The following TMEM232 variants were observed in gnomAD, a reference collection of about 807,000 sequenced individuals.
TMEM232 encodes the protein transmembrane protein 232.
TMEM232 carries 80 observed loss-of-function variants against 78.8 expected under a neutral mutation model. That is an observed-to-expected ratio of 1.01 (90% CI 0.85 to 1.22). TMEM232 has a LOEUF of 1.22. TMEM232 is among the 50% of genes most tolerant of loss of function. TMEM232 has a pLI of 0.00. For synonymous variants in TMEM232, 297 were observed against 254.3 expected (o/e 1.17, Z -1.60); for missense variants, 881 against 742.2 (o/e 1.19, Z -2.17).
intron 10 of TMEM232, among the ~76,000 whole-genome samples, chr5:110,576,597 A>T (rs983782435): frequency 2.6e-5 from 4 of 152,120 alleles, no homozygotes; most frequent in African/African-American, 9.7e-5. Context: ...AGCAAAAAGA[A>T]CAAAGCTGGA....
chr5:110,579,011 C>T (rs1777871947), intron 10 of TMEM232, among the ~76,000 whole-genome samples: 1 of 151,622 alleles, frequency 6.6e-6, no homozygotes. Context: ...CCCAAAAGAT[C>T]TCAAATAAAA....
intron 12 of TMEM232, among the ~76,000 whole-genome samples, chr5:110,487,139 C>T (rs1173321221): frequency 6.6e-6 from 1 of 152,052 alleles, no homozygotes; most frequent in Non-Finnish European, 1.5e-5. Context: ...AGAAGAGCTA[C>T]TGATTTGTGT....
At chr5:110,444,534 G>A (rs1174959752) in intron 12 of TMEM232, among the ~76,000 whole-genome samples, 2 of 152,118 alleles carry the variant, frequency 1.3e-5, no homozygotes, top group Non-Finnish European at 2.9e-5. Flanking sequence ...AAGTACTATG[G>A]TTCTTGTGAT....
chr5:110,527,917 A>G (rs749297448), intron 12 of TMEM232, among the ~76,000 whole-genome samples: 7 of 151,374 alleles, frequency 4.6e-5, no homozygotes, highest in Non-Finnish European at 8.9e-5. Context: ...GAGATCTACA[A>G]TGTAAAATAG....
intron 12 of TMEM232, among the ~76,000 whole-genome samples, chr5:110,490,157 G>C (rs1201107751): frequency 2.1e-5 from 3 of 140,808 alleles, no homozygotes; most frequent in African/African-American, 9.3e-5. Flanking sequence ...AAGAAAGAAA[G>C]AAAGAAAGAA....
intron 11 of TMEM232, among the ~76,000 whole-genome samples, chr5:110,550,168 T>C (rs927298030): frequency 1.3e-5 from 2 of 152,166 alleles, no homozygotes; most frequent in South Asian, 2.1e-4. Context: ...AACAATATAG[T>C]TTACAACAGT....
chr5:110,540,188 C>A (rs1772924712), intron 11 of TMEM232, among the ~76,000 whole-genome samples: 1 of 152,126 alleles, frequency 6.6e-6, no homozygotes, highest in Admixed American at 6.5e-5. Flanking sequence ...AGTACTAGCC[C>A]AGAAATTAGG....
rs368229045 is a variant in TMEM232, at chr5:110,687,670, TTTTCTC to T, written c.-12-20312_-12-20307del. On this transcript the variant is annotated intron_variant, in intron 1 of 13. Transcript: ENST00000455884. Reference sequence around the variant, plus strand: ...TTTTGGTTTCTATTACAAAGTCAAATTTTCTCTTTCTCTTTCTCTTTGTCTCTCTCT... The same window carrying T: ...TTTTGGTTTCTATTACAAAGTCAAATTTTCTCTTTCTCTTTGTCTCTCTCT... Among the ~76,000 whole-genome samples, 414 of 152,134 alleles carry T rather than the reference TTTTCTC, an allele frequency of 2.7e-3. 1 individual carries two copies. Among genetic ancestry groups the T allele is most frequent in the African/African-American group, 8.6e-3 (356 of 41,522 alleles).
intron 1 of TMEM232, among the ~76,000 whole-genome samples, chr5:110,674,233 G>C (rs1445586993): frequency 6.6e-6 from 1 of 151,876 alleles, no homozygotes; most frequent in Non-Finnish European, 1.5e-5. Flanking sequence ...GACCTTTCTT[G>C]GTCAAGAAAA....
At chr5:110,471,924 G>C (rs1365998661) in intron 12 of TMEM232, among the ~76,000 whole-genome samples, 2 of 151,960 alleles carry the variant, frequency 1.3e-5, no homozygotes, top group African/African-American at 2.4e-5. Context: ...ATATAACACA[G>C]AAATGGAAAG....
At chr5:110,436,221 C>T (rs1022241952) in intron 12 of TMEM232, among the ~76,000 whole-genome samples, 2 of 151,856 alleles carry the variant, frequency 1.3e-5, no homozygotes, top group Non-Finnish European at 2.9e-5. Flanking sequence ...GTGTTGATCA[C>T]CTTTTCATAT....
intron 1 of TMEM232, among the ~76,000 whole-genome samples, chr5:110,695,736 C>G (rs1391594118): frequency 6.6e-6 from 1 of 152,164 alleles, no homozygotes; most frequent in East Asian, 1.9e-4. Flanking sequence ...CATACACCCT[C>G]CAAAAACTAA....
chr5:110,644,144 A>C (rs1462381109), intron 2 of TMEM232, among the ~76,000 whole-genome samples: 3 of 151,902 alleles, frequency 2.0e-5, no homozygotes, highest in East Asian at 3.8e-4. Flanking sequence ...ATTTTGAAAT[A>C]AGCAACCTCA....
At chr5:110,399,021 CT>C (rs1348632413) in intron 2 of TMEM232, among the ~76,000 whole-genome samples, 1 of 151,916 alleles carries the variant, frequency 6.6e-6, no homozygotes, top group Non-Finnish European at 1.5e-5. Flanking sequence ...TTTTTCAGCC[CT>C]CCAAATATTC....
chr5:110,642,781 A>G (rs1205528810), intron 2 of TMEM232, among the ~76,000 whole-genome samples: 1 of 152,102 alleles, frequency 6.6e-6, no homozygotes, highest in Non-Finnish European at 1.5e-5. Flanking sequence ...CAGCCCAAAC[A>G]TGGTTGGATT....
In TMEM232 at chr5:110,655,456, T is replaced by C. The variant is rs1198984029; in HGVS notation, c.125+11772A>G. Among the ~76,000 whole-genome samples the C allele has an allele frequency of 9.7e-5, 14 of 143,932 alleles. No homozygotes were observed. The East Asian group carries it at 2.4e-3, about 25-fold the overall frequency. 94.4% of individuals were successfully genotyped at this position (143,932 alleles called of 152,430 possible). A position where few individuals can be genotyped will look rare whatever the true frequency, so the allele number is the denominator to read the frequency against. On this transcript the variant is annotated intron_variant, in intron 2 of 13. Transcript: ENST00000455884. ...AATAGGAACACTTTTACACTGTTGGTGGGACTGTAAACTAGTTCAACCATT... is the reference window on the plus strand; with the variant it reads ...AATAGGAACACTTTTACACTGTTGGCGGGACTGTAAACTAGTTCAACCATT...
intron 12 of TMEM232, among the ~76,000 whole-genome samples, chr5:110,462,474 T>C (rs1253022881): frequency 6.6e-6 from 1 of 152,190 alleles, no homozygotes; most frequent in Admixed American, 6.5e-5. Flanking sequence ...CAGAGGAACA[T>C]GGAAAGACAA....
chr5:110,646,611 T>C (rs925123049), intron 2 of TMEM232, among the ~76,000 whole-genome samples: 24 of 151,786 alleles, frequency 1.6e-4, no homozygotes, highest in African/African-American at 5.6e-4. Flanking sequence ...AAAGAATGCA[T>C]AGGGAATATA....
downstream of TMEM232, chr5:110,418,077 T>A (rs987953592): frequency 1.3e-5 from 2 of 152,196 alleles, no homozygotes; most frequent in Non-Finnish European, 2.9e-5. Flanking sequence ...AATGCAAACC[T>A]CTTCTCTCTG....
Sources: gnomAD v4.1 joint callset for allele counts (sites outside exome capture counted in the v4.1 genomes callset) on GRCh38, gnomAD v4.1.1 for gene constraint, MANE v1.5 for transcripts, NCBI Gene and HGNC (gene_info 2026-07-23, HGNC 2026-07-21) for gene names.